ALG9: variants seen among roughly 807,000 people sequenced by gnomAD.
The protein encoded by ALG9 is ALG9 alpha-1,2-mannosyltransferase.
Under a neutral mutation model 81.8 loss-of-function variants are expected in ALG9, and 55 were observed. That is an observed-to-expected ratio of 0.67 (90% CI 0.54 to 0.84). The LOEUF is 0.84. Ranked by LOEUF, ALG9 falls within the 40% of genes least tolerant of loss-of-function variation. The probability of loss-of-function intolerance (pLI) is 0.00; values close to 1 mark genes in which losing one functional copy is unlikely to be tolerated. For missense variants in ALG9, 629 were observed against 745.0 expected (o/e 0.84, Z 1.81); for synonymous variants, 278 against 274.3 (o/e 1.01, Z -0.13).
chr11:111,871,302 C>T (rs772076488), intron 1 of ALG9, 50 bp downstream of exon 1: 38 of 1,380,294 alleles, frequency 2.8e-5, no homozygotes, highest in Non-Finnish European at 3.4e-5. Flanking sequence ...CGGGGGCAGC[C>T]CCGAACCGCC....
intron 14 of ALG9, among the ~76,000 whole-genome samples, chr11:111,793,470 G>A (rs1947744358): frequency 6.6e-6 from 1 of 152,140 alleles, no homozygotes; most frequent in Non-Finnish European, 1.5e-5. Context: ...CTTTATAAAA[G>A]GAAAGAGCGG....
At chr11:111,833,312 T>A (rs1339230266) in intron 13 of ALG9, among the ~76,000 whole-genome samples, 4 of 152,176 alleles carry the variant, frequency 2.6e-5, no homozygotes, top group African/African-American at 9.6e-5. Context: ...GCAGAAAATC[T>A]TGGCAATCTT....
intron 13 of ALG9, chr11:111,817,381 C>T (rs1329717936): frequency 1.3e-5 from 2 of 152,136 alleles, no homozygotes; most frequent in African/African-American, 4.8e-5. Context: ...TCTTTCTAGA[C>T]AGGGACTCAC....
Position 111,871,491 on chromosome 11 carries a change from TG to T in ALG9, c.-10del, listed in dbSNP as rs782042721. On this transcript the variant is annotated 5_prime_UTR_variant, in exon 1 of 15. Transcript: ENST00000616540. The stretch of plus-strand genomic sequence containing the variant: ...GCCCCTCGACTAGCCATGGCAAGCC[TG>T]GGGAAAAAAGAATTCGGCACCCTAT... 3 of 1,536,294 alleles carry T rather than the reference TG, an allele frequency of 2.0e-6. No individual in the cohort carries two copies. The highest frequency in any genetic ancestry group is 1.2e-5 in the South Asian group (1 of 83,944).
rs111510629 is a variant in ALG9 at position 111,866,241 on chromosome 11, G to C, written c.406-990C>G. Among the ~76,000 whole-genome samples, 1,480 of 152,310 alleles carry C rather than the reference G, an allele frequency of 9.7e-3. 40 individuals are homozygous for C. The highest frequency in any genetic ancestry group is 0.034 in the African/African-American group (1,419 of 41,546). On this transcript the variant is annotated intron_variant, in intron 3 of 14. Transcript: ENST00000616540. ...GAACCTGGGAGTCGGAGGTTGCAGT[G>C]AGCCGAGATCGTGCCACTGCACTCC...
intron 13 of ALG9, among the ~76,000 whole-genome samples, chr11:111,831,511 AAAAC>A (rs544548560): frequency 3.9e-5 from 6 of 152,208 alleles, no homozygotes; most frequent in Non-Finnish European, 5.9e-5. Context: ...AAAACAAAAC[AAAAC>A]AAACAAACAG....
intron 13 of ALG9, among the ~76,000 whole-genome samples, chr11:111,814,949 T>C (rs1455043893): frequency 6.6e-6 from 1 of 152,086 alleles, no homozygotes; most frequent in African/African-American, 2.4e-5. Context: ...ACACTGAGGG[T>C]CTTATGCTTA....
At chr11:111,769,511 C>T in the ALG9 span, 1 of 151,682 alleles carries the variant, frequency 6.6e-6, no homozygotes, top group Non-Finnish European at 1.5e-5. Flanking sequence ...TTCAGCTACT[C>T]AGGAGGCTGA....
Position 111,832,687 on chromosome 11 carries a change from T to C in ALG9, c.1602+3478A>G, listed in dbSNP as rs534044440. Among the ~76,000 whole-genome samples, 9 of 152,334 alleles carry C rather than the reference T, an allele frequency of 5.9e-5. No individual in the cohort carries two copies. In the East Asian group the frequency reaches 1.3e-3, roughly 23 times the overall value. ...TAATTTTTCATAACTTTATATCTTA[T>C]TGTAGCAGAACTGACTATATTACTG... On this transcript the variant is annotated intron_variant, in intron 13 of 14. Transcript: ENST00000616540.
At chr11:111,792,995 TTC>T (rs1947655955) in intron 14 of ALG9, among the ~76,000 whole-genome samples, 1 of 152,198 alleles carries the variant, frequency 6.6e-6, no homozygotes, top group Non-Finnish European at 1.5e-5. Context: ...TTTCTTTTTT[TTC>T]TTTTGAGACA....
At chr11:111,845,674 T>C (rs185872492) in intron 8 of ALG9, among the ~76,000 whole-genome samples, 8 of 152,346 alleles carry the variant, frequency 5.3e-5, no homozygotes, top group African/African-American at 1.7e-4. Context: ...GTATGATTAC[T>C]TCAATCAAGA....
chr11:111,831,110 G>A (rs553300562), intron 13 of ALG9, among the ~76,000 whole-genome samples: 6 of 152,142 alleles, frequency 3.9e-5, no homozygotes, highest in South Asian at 2.1e-4. Context: ...GCGCCATCTC[G>A]GCTGACTGCA....
rs782114013 is a variant in ALG9 at position 111,850,706 on chromosome 11, C to CAAAAAAAAAAAAA, written c.895+2661_895+2673dup. Among the ~76,000 whole-genome samples the CAAAAAAAAAAAAA allele has an allele frequency of 4.3e-4, 29 of 66,678 alleles. 4 individuals are homozygous for CAAAAAAAAAAAAA. The highest frequency in any genetic ancestry group is 1.4e-3 in the African/African-American group (15 of 10,858). 43.7% of individuals were successfully genotyped at this position (66,678 alleles called of 152,430 possible). A position where few individuals can be genotyped will look rare whatever the true frequency, so the allele number is the denominator to read the frequency against. On this transcript the variant is annotated intron_variant, in intron 8 of 14. Coordinates refer to ENST00000616540, the MANE Select transcript of ALG9 (RefSeq NM_024740.2). The stretch of plus-strand genomic sequence containing the variant: ...CGGGTGACAGAGCGAGATACTGTCT[C>CAAAAAAAAAAAAA]AAAAAAAAAAAAAAAAAATCAGACA...
Position 111,809,646 on chromosome 11 carries a change from G to C in ALG9, c.1730C>G (p.Ser577Cys). 6.2e-7 allele frequency: 1 copy of C among 1,613,948 alleles called. No homozygotes were observed. Among genetic ancestry groups the C allele is most frequent in the Non-Finnish European group, 8.5e-7 (1 of 1,179,940 alleles). ...SLAYRPFLDA[S>C]RSSKLLRAFY... ...CCATAGGATTAAAGCCACATACCTA[G>C]AAGCATCAAGGAATGGTCTATAGGC... Residue 577 changes from serine to cysteine, a missense_variant, in exon 14 of 15, where the codon TCT becomes TGT. Transcript: ENST00000616540.
intron 4 of ALG9, chr11:111,864,167 CA>C (rs1163098026): frequency 1.9e-5 from 11 of 566,922 alleles, no homozygotes; most frequent in Admixed American, 1.7e-4. Context: ...AAGAAGAGAA[CA>C]ATAAATAAAA....
intron 14 of ALG9, among the ~76,000 whole-genome samples, chr11:111,795,270 C>T (rs1948082971): frequency 6.6e-6 from 1 of 152,144 alleles, no homozygotes; most frequent in Admixed American, 6.5e-5. Flanking sequence ...TCATCTTCCA[C>T]AAGGAAAAGG....
intron 13 of ALG9, among the ~76,000 whole-genome samples, chr11:111,830,902 G>T (rs1408649379): frequency 6.6e-6 from 1 of 152,110 alleles, no homozygotes; most frequent in Non-Finnish European, 1.5e-5. Flanking sequence ...TGGGCACAGT[G>T]GCTCACACCT....
intron 8 of ALG9, among the ~76,000 whole-genome samples, chr11:111,852,658 G>A (rs1051988375): frequency 1.3e-5 from 2 of 152,022 alleles, no homozygotes; most frequent in Admixed American, 6.6e-5. Context: ...TGTCTGGGCC[G>A]GGCACGGTGG....
At chr11:111,803,372 G>A (rs899884910) in intron 14 of ALG9, among the ~76,000 whole-genome samples, 4 of 151,706 alleles carry the variant, frequency 2.6e-5, no homozygotes, top group African/African-American at 9.7e-5. Flanking sequence ...ATGGTGGCAC[G>A]TGCCTGTAAT....
Sources: gnomAD v4.1 joint callset for allele counts (sites outside exome capture counted in the v4.1 genomes callset) on GRCh38, gnomAD v4.1.1 for gene constraint, MANE v1.5 for transcripts, NCBI Gene and HGNC (gene_info 2026-07-23, HGNC 2026-07-21) for gene names.